Variants in ANO3 observed in about 807,000 individuals in gnomAD.
The protein encoded by ANO3 is anoctamin 3.
ANO3 carries 99 observed loss-of-function variants against 144.8 expected under a neutral mutation model. The observed-to-expected ratio is 0.68, with a 90% confidence interval of 0.58 to 0.81. The LOEUF is 0.81. Ranked by LOEUF, ANO3 falls within the 30% of genes least tolerant of loss-of-function variation. The pLI, the probability that ANO3 is intolerant of heterozygous loss-of-function variation, is 0.00. For missense variants in ANO3, 905 were observed against 1,202.2 expected (o/e 0.75, Z 3.66); for synonymous variants, 414 against 392.6 (o/e 1.05, Z -0.64).
chr11:26,368,887 T>C (rs1856170100), intron 1 of ANO3, among the ~76,000 whole-genome samples: 1 of 152,134 alleles, frequency 6.6e-6, no homozygotes, highest in African/African-American at 2.4e-5. Context: ...TAAAATATAA[T>C]GTTTATAATA....
intron 14 of ANO3, among the ~76,000 whole-genome samples, chr11:26,587,557 A>T (rs149855077): frequency 1.3e-5 from 2 of 152,286 alleles, no homozygotes; most frequent in African/African-American, 4.8e-5. Flanking sequence ...TAGGTTTGCA[A>T]CCACCCTGGA....
At chr11:26,249,419 C>T (rs1231767462) in intron 1 of ANO3, among the ~76,000 whole-genome samples, 2 of 152,142 alleles carry the variant, frequency 1.3e-5, no homozygotes, top group African/African-American at 4.8e-5. Context: ...TTCCCGTTTG[C>T]TACACAAAGG....
chr11:26,550,953 A>G (rs1849916361), intron 12 of ANO3, among the ~76,000 whole-genome samples: 1 of 151,962 alleles, frequency 6.6e-6, no homozygotes, highest in African/African-American at 2.4e-5. Flanking sequence ...AGTAGTAGCA[A>G]TCCTAACAGG....
upstream of ANO3, among the ~76,000 whole-genome samples, chr11:26,328,789 G>T (rs537884933): frequency 6.6e-6 from 1 of 152,034 alleles, no homozygotes; most frequent in Admixed American, 6.6e-5. Flanking sequence ...TGGGTAGGGG[G>T]GTTGAAGATC....
chr11:26,457,009 G>A (rs1859187740), intron 3 of ANO3, among the ~76,000 whole-genome samples: 1 of 149,372 alleles, frequency 6.7e-6, no homozygotes, highest in South Asian at 2.1e-4. Context: ...CTCACTCATA[G>A]GTGGGAATTG....
At chr11:26,321,019 C>T (rs1854746713) in intron 1 of ANO3, among the ~76,000 whole-genome samples, 1 of 151,978 alleles carries the variant, frequency 6.6e-6, no homozygotes, top group African/African-American at 2.4e-5. Context: ...TTTTCCTTTT[C>T]CTTATTGTTC....
At chr11:26,214,036 A>T (rs1851988747) in intron 1 of ANO3, among the ~76,000 whole-genome samples, 1 of 152,000 alleles carries the variant, frequency 6.6e-6, no homozygotes, top group Non-Finnish European at 1.5e-5. Context: ...TGTATGTAGT[A>T]ATAAAAGAGA....
chr11:26,468,681 A>G (rs909243558), intron 4 of ANO3, among the ~76,000 whole-genome samples: 1 of 151,972 alleles, frequency 6.6e-6, no homozygotes, highest in Non-Finnish European at 1.5e-5. Context: ...CAAATTGTGT[A>G]TAGGACTTAG....
intron 23 of ANO3, among the ~76,000 whole-genome samples, chr11:26,644,565 A>G (rs1403859440): frequency 6.6e-6 from 1 of 152,214 alleles, no homozygotes; most frequent in Non-Finnish European, 1.5e-5. Flanking sequence ...GCCAATTTAC[A>G]CTGTCATCAT....
intron 1 of ANO3, among the ~76,000 whole-genome samples, chr11:26,196,483 A>G (rs1851592027): frequency 6.6e-6 from 1 of 152,108 alleles, no homozygotes; most frequent in African/African-American, 2.4e-5. Flanking sequence ...CCATTTCTCA[A>G]AGCAAAAGCA....
intron 1 of ANO3, among the ~76,000 whole-genome samples, chr11:26,349,074 G>T (rs1025696249): frequency 3.3e-5 from 5 of 152,156 alleles, no homozygotes; most frequent in Admixed American, 3.3e-4. Flanking sequence ...AAATGTCATG[G>T]GCTTCTTATT....
At position 26,547,476 on chromosome 11, in the gene ANO3, G is replaced by A. The variant is rs751046509; in HGVS notation, c.1215G>A (p.Met405Ile). Residue 405 changes from methionine (M) to isoleucine (I), a missense_variant, in exon 12 of 27, where the codon ATG becomes ATA. Met to Ile is a conservative substitution (Grantham distance 10, BLOSUM62 1). Around this residue, in one of 4 missense-constraint regions of ANO3, gnomAD observed 597 missense variants for 865.1 expected, o/e 0.69. Coordinates refer to ENST00000256737, the MANE Select transcript of ANO3 (RefSeq NM_031418.4). ...YFAWLGWYTG[M>I]LIPAAIVGLC... is the part of the protein sequence containing the mutation. Reference sequence around the variant, plus strand: ...CTTGGCTGGGATGGTATACTGGAATGTTGATTCCTGCAGCAATTGTTGGTT... The same window carrying A: ...CTTGGCTGGGATGGTATACTGGAATATTGATTCCTGCAGCAATTGTTGGTT... 9.3e-5 allele frequency: 150 copies of A among 1,611,778 alleles called. No individual in the cohort carries two copies. Among genetic ancestry groups the A allele is most frequent in the Non-Finnish European group, 1.2e-4 (144 of 1,178,386 alleles).
chr11:26,599,498 A>G (rs1851731605), intron 16 of ANO3, 52 bp from the exon 17 acceptor site: 6 of 1,568,406 alleles, frequency 3.8e-6, no homozygotes, highest in Non-Finnish European at 4.3e-6. Flanking sequence ...TTTGCTTTTG[A>G]CTTGTTAATG....
At chr11:26,338,217 G>A (rs1043738290) in intron 1 of ANO3, among the ~76,000 whole-genome samples, 2 of 152,106 alleles carry the variant, frequency 1.3e-5, no homozygotes, top group Non-Finnish European at 2.9e-5. Flanking sequence ...GGTTGAGTGG[G>A]AACTTGGAGA....
intron 1 of ANO3, among the ~76,000 whole-genome samples, chr11:26,439,957 A>G (rs541253217): frequency 6.6e-6 from 1 of 152,346 alleles, no homozygotes; most frequent in East Asian, 1.9e-4. Context: ...ATACTTAAAT[A>G]TCCTCAAAGT....
At chr11:26,652,482 C>T (rs1037432478) in intron 24 of ANO3, among the ~76,000 whole-genome samples, 1 of 152,110 alleles carries the variant, frequency 6.6e-6, no homozygotes, top group African/African-American at 2.4e-5. Flanking sequence ...TCTGTGCTCC[C>T]ATACTGAAGG....
At chr11:26,558,395 C>T (rs1184292567) in intron 13 of ANO3, among the ~76,000 whole-genome samples, 2 of 151,980 alleles carry the variant, frequency 1.3e-5, no homozygotes, top group Admixed American at 1.3e-4. Context: ...TTCAGCTGTT[C>T]AGCAGCCTCA....
chr11:26,461,562 C>A (rs1859396300), intron 3 of ANO3, among the ~76,000 whole-genome samples: 1 of 151,984 alleles, frequency 6.6e-6, no homozygotes. Context: ...TCTATGAAGG[C>A]AGAATTGTGT....
intron 14 of ANO3, chr11:26,565,469 A>G (rs1490359503): frequency 6.2e-7 from 1 of 1,613,444 alleles, no homozygotes; most frequent in Admixed American, 1.7e-5. Flanking sequence ...TGGGCAAAAG[A>G]TCTTCATCTG....
Sources: allele counts gnomAD v4.1 joint callset (sites outside exome capture counted in the v4.1 genomes callset), GRCh38; gene constraint gnomAD v4.1.1; regional missense constraint gnomAD v4.1.1; transcripts MANE v1.5; gene names NCBI Gene and HGNC (gene_info 2026-07-23, HGNC 2026-07-21).